CPQ: variants seen among roughly 807,000 people sequenced by gnomAD.
CPQ encodes Ser-Met dipeptidase.
CPQ carries 37 observed loss-of-function variants against 45.7 expected under a neutral mutation model. That is an observed-to-expected ratio of 0.81 (90% CI 0.62 to 1.07). The LOEUF is 1.07. CPQ is among the 50% of genes least tolerant of loss of function. CPQ has a pLI of 0.00. For synonymous variants in CPQ, 186 were observed against 205.8 expected, an observed-to-expected ratio of 0.90 and a Z score of 0.82; for missense variants, 537 against 572.9, an observed-to-expected ratio of 0.94 and a Z score of 0.64.
At chr8:96,902,150 G>C (rs1014726284) in intron 4 of CPQ, among the ~76,000 whole-genome samples, 2 of 152,088 alleles carry the variant, frequency 1.3e-5, no homozygotes, top group Non-Finnish European at 2.9e-5. Context: ...GCTCCTCCCA[G>C]AACCAGGAAT....
chr8:96,966,054 T>C lies in CPQ; in HGVS notation c.961+8T>C, dbSNP rs769535534. On this transcript the variant is annotated splice_region_variant and intron_variant, in intron 5 of 7. Coordinates refer to ENST00000220763, the MANE Select transcript of CPQ (RefSeq NM_016134.4). ...CACTTATTAAAGATCTTGGTAAATA[T>C]TTAGAAAATTGTTAACTAATGTGTG... 18 of 1,591,556 alleles carry C rather than the reference T, an allele frequency of 1.1e-5. No individual in the cohort carries two copies. The highest frequency in any genetic ancestry group is 1.5e-5 in the Non-Finnish European group (17 of 1,162,018).
At chr8:97,093,284 A>G (rs1176696132) in intron 7 of CPQ, among the ~76,000 whole-genome samples, 3 of 152,216 alleles carry the variant, frequency 2.0e-5, no homozygotes, top group Admixed American at 1.3e-4. Context: ...AACTTAAAAC[A>G]GGACCTACCA....
At chr8:96,987,209 T>C (rs536172814) in intron 5 of CPQ, among the ~76,000 whole-genome samples, 1 of 152,280 alleles carries the variant, frequency 6.6e-6, no homozygotes, top group South Asian at 2.1e-4. Context: ...ATTGTCAGAT[T>C]TGAGCTCTTG....
At chr8:97,042,231 G>T (rs1176185957) in intron 6 of CPQ, among the ~76,000 whole-genome samples, 1 of 147,556 alleles carries the variant, frequency 6.8e-6, no homozygotes, top group Admixed American at 6.7e-5. Context: ...TATGTGTCGA[G>T]GAATTTATCC....
intron 1 of CPQ, among the ~76,000 whole-genome samples, chr8:96,654,934 C>CTTT (rs373691319): frequency 7.1e-6 from 1 of 140,934 alleles, no homozygotes; most frequent in Non-Finnish European, 1.5e-5. Flanking sequence ...TCCTTTGTGG[C>CTTT]TTTTTTTTTT....
intron 1 of CPQ, among the ~76,000 whole-genome samples, chr8:96,696,297 G>A (rs889934157): frequency 6.6e-6 from 1 of 151,686 alleles, no homozygotes; most frequent in Non-Finnish European, 1.5e-5. Context: ...GTTGTGGGGT[G>A]GGGGGAGTGG....
intron 1 of CPQ, among the ~76,000 whole-genome samples, chr8:96,693,182 C>A (rs1809326385): frequency 6.6e-6 from 1 of 150,748 alleles, no homozygotes; most frequent in South Asian, 2.1e-4. Flanking sequence ...TGAAGCATGC[C>A]TACAGGATCT....
intron 4 of CPQ, among the ~76,000 whole-genome samples, chr8:96,900,407 G>A (rs536449733): frequency 1.3e-5 from 2 of 152,146 alleles, no homozygotes; most frequent in Non-Finnish European, 2.9e-5. Flanking sequence ...TTGTTGCCCT[G>A]TGTTAGACAT....
intron 3 of CPQ, among the ~76,000 whole-genome samples, chr8:96,866,313 G>T (rs1405199042): frequency 6.6e-6 from 1 of 151,994 alleles, no homozygotes; most frequent in Non-Finnish European, 1.5e-5. Flanking sequence ...TTTCATAAAA[G>T]CAGGAGGTTC....
At chr8:96,966,778 A>G (rs1221627310) in intron 5 of CPQ, among the ~76,000 whole-genome samples, 1 of 152,250 alleles carries the variant, frequency 6.6e-6, no homozygotes, top group Non-Finnish European at 1.5e-5. Context: ...TGGAAATCTT[A>G]CATTGTATAT....
intron 1 of CPQ, among the ~76,000 whole-genome samples, chr8:96,751,143 T>A (rs1190948382): frequency 6.6e-6 from 1 of 152,224 alleles, no homozygotes; most frequent in African/African-American, 2.4e-5. Context: ...TTCCTTTGGT[T>A]ATATACCCAG....
At chr8:96,910,741 T>C (rs1041687089) in intron 4 of CPQ, among the ~76,000 whole-genome samples, 2 of 152,150 alleles carry the variant, frequency 1.3e-5, no homozygotes, top group African/African-American at 4.8e-5. Flanking sequence ...CCTGACCTCA[T>C]GATCTGCCTG....
At chr8:96,789,491 C>T (rs1230293674) in intron 2 of CPQ, among the ~76,000 whole-genome samples, 3 of 152,170 alleles carry the variant, frequency 2.0e-5, no homozygotes, top group African/African-American at 7.2e-5. Flanking sequence ...GCATAAGCCA[C>T]TTATTGGTCA....
At chr8:96,652,032 A>G (rs1318783369) in intron 1 of CPQ, among the ~76,000 whole-genome samples, 1 of 152,260 alleles carries the variant, frequency 6.6e-6, no homozygotes, top group African/African-American at 2.4e-5. Flanking sequence ...ACAACACAGT[A>G]TAATTAACTA....
intron 1 of CPQ, among the ~76,000 whole-genome samples, chr8:96,651,107 A>G (rs976993182): frequency 4.6e-5 from 7 of 152,216 alleles, no homozygotes; most frequent in African/African-American, 1.7e-4. Context: ...ATTGTTAGAG[A>G]CCATTTAAAA....
At chr8:96,932,977 T>C (rs1812994059) in intron 4 of CPQ, among the ~76,000 whole-genome samples, 1 of 152,202 alleles carries the variant, frequency 6.6e-6, no homozygotes, top group African/African-American at 2.4e-5. Flanking sequence ...CTAGCAACCA[T>C]TGGCTTCTTG....
rs190514308 is a variant in CPQ, at chr8:97,103,006, C to G, written c.1255+36796C>G. Among the ~76,000 whole-genome samples, 252 of 152,200 alleles carry G rather than the reference C, an allele frequency of 1.7e-3. 3 individuals are homozygous for G. The highest frequency in any genetic ancestry group is 0.013 in the Admixed American group (195 of 15,286). ...GCCTTCTAGTGCCTTGGGGCCCCTT[C>G]TTCCATCTTCAAAGTATATCACTCC... On this transcript the variant is annotated intron_variant, in intron 7 of 7. Coordinates refer to ENST00000220763, the MANE Select transcript of CPQ (RefSeq NM_016134.4).
chr8:97,035,842 G>A (rs892860585), intron 6 of CPQ, among the ~76,000 whole-genome samples: 2 of 152,200 alleles, frequency 1.3e-5, no homozygotes, highest in Admixed American at 1.3e-4. Flanking sequence ...TGAGTAGCTG[G>A]GACTACAGGC....
rs544237765 is a variant in CPQ at position 96,786,258 on chromosome 8, A to G, written c.433+928A>G. Among the ~76,000 whole-genome samples, 276 of 152,250 alleles carry G rather than the reference A, an allele frequency of 1.8e-3. 2 individuals carry two copies. The highest frequency in any genetic ancestry group is 6.4e-3 in the African/African-American group (268 of 41,560). ...GATTTGCTTATTCTGGGCATTTTAC[A>G]TGAATGGAATAATAAATTATGTGAT... On this transcript the variant is annotated intron_variant, in intron 2 of 7. Coordinates refer to ENST00000220763, the MANE Select transcript of CPQ (RefSeq NM_016134.4).
Sources: gnomAD v4.1 joint callset for allele counts (sites outside exome capture counted in the v4.1 genomes callset) on GRCh38, gnomAD v4.1.1 for gene constraint, MANE v1.5 for transcripts, NCBI Gene and HGNC (gene_info 2026-07-23, HGNC 2026-07-21) for gene names.